The following ZNF654 variants were observed in gnomAD, a reference collection of about 807,000 sequenced individuals.
The protein encoded by ZNF654 is zinc finger protein 654, also known as melanoma-associated antigen.
ZNF654 carries 19 observed loss-of-function variants against 95.3 expected under a neutral mutation model. That is an observed-to-expected ratio of 0.20 (90% CI 0.14 to 0.29). ZNF654 has a LOEUF of 0.29. ZNF654 is among the 10% of genes least tolerant of loss of function. The pLI is 1.00. For synonymous variants in ZNF654, 413 were observed against 457.9 expected (o/e 0.90, Z 1.25); for missense variants, 1,046 against 1,341.0 (o/e 0.78, Z 3.44).
chr3:88,123,929 T>C (rs1422663153), intron 3 of ZNF654, among the ~76,000 whole-genome samples: 1 of 152,198 alleles, frequency 6.6e-6, no homozygotes, highest in Admixed American at 6.5e-5. Context: ...GAGGTTTCAG[T>C]TGATCATTGT....
chr3:88,109,142 A>AGTGTGTGTGTGTGTGT lies in ZNF654; in HGVS notation c.333-3950_333-3935dup, dbSNP rs35595112. ...TATCCCCTGTGGATAAGTGGGCACT[A>AGTGTGTGTGTGTGTGT]GTGTGTGTGTGTGTGTGTGTGTGTG... On this transcript the variant is annotated intron_variant, in intron 2 of 8. Coordinates refer to ENST00000636215, the MANE Select transcript of ZNF654 (RefSeq NM_001350134.2). 4.1e-3 allele frequency among the ~76,000 whole-genome samples: 583 copies of AGTGTGTGTGTGTGTGT among 142,510 alleles called. 6 individuals carry two copies. Among genetic ancestry groups the AGTGTGTGTGTGTGTGT allele is most frequent in the Non-Finnish European group, 5.3e-3 (349 of 65,316 alleles). 93.5% of individuals were successfully genotyped at this position (142,510 alleles called of 152,430 possible).
Position 88,140,553 on chromosome 3 carries a change from G to A in ZNF654, c.2884G>A (p.Asp962Asn). 2 of 1,613,724 alleles carry A rather than the reference G, an allele frequency of 1.2e-6. No homozygotes were observed. The highest frequency in any genetic ancestry group is 1.7e-6 in the Non-Finnish European group (2 of 1,179,736). ...AAGCTTGATAGACCAAAAGATGCCT[G>A]ACATAGAGCCAAATTCTGAAAATAA... The part of the protein sequence containing the change: ...NISLIDQKMP[D>N]IEPNSENNCS... The change falls in exon 8 of 9, where the codon GAC becomes AAC. Residue 962 changes from aspartate (D) to asparagine (N), a missense_variant. By Grantham distance (23) the Asp-to-Asn change is conservative. Transcript: ENST00000636215.
At position 88,133,003 on chromosome 3, in the gene ZNF654, A is replaced by T. The variant is rs114281755; in HGVS notation, c.894-2058A>T. Among the ~76,000 whole-genome samples the T allele has an allele frequency of 2.7e-3, 406 of 152,298 alleles. 2 individuals are homozygous for T. Among genetic ancestry groups the T allele is most frequent in the African/African-American group, 8.5e-3 (354 of 41,582 alleles). The stretch of plus-strand genomic sequence containing the variant: ...GCTACCAGGGACACTGATACTGCTA[A>T]TGTTTTTCAAAATCTGTTTCTTTTC... On this transcript the variant is annotated intron_variant, in intron 6 of 8. Transcript: ENST00000636215.
At chr3:88,083,961 A>G (rs1708216014) in intron 1 of ZNF654, among the ~76,000 whole-genome samples, 1 of 151,080 alleles carries the variant, frequency 6.6e-6, no homozygotes, top group Admixed American at 6.6e-5. Context: ...ATATATATAT[A>G]TATATAGAAA....
At chr3:88,125,728 C>T (rs558152141) in intron 3 of ZNF654, among the ~76,000 whole-genome samples, 36 of 152,262 alleles carry the variant, frequency 2.4e-4, no homozygotes, top group African/African-American at 8.2e-4. Flanking sequence ...AGCAGACACC[C>T]CACGCCCCCT....
chr3:88,138,314 T>G (rs1438161935), intron 7 of ZNF654, among the ~76,000 whole-genome samples: 1 of 152,122 alleles, frequency 6.6e-6, no homozygotes, highest in Non-Finnish European at 1.5e-5. Context: ...GATAAATCTG[T>G]TAAAATACAC....
At chr3:88,133,663 T>A (rs1004864401) in intron 6 of ZNF654, among the ~76,000 whole-genome samples, 1 of 152,096 alleles carries the variant, frequency 6.6e-6, no homozygotes, top group African/African-American at 2.4e-5. Flanking sequence ...GAGATTCAAA[T>A]CCTGAAACTC....
Position 88,135,219 on chromosome 3 carries a change from T to C in ZNF654, c.1035+17T>C. 1 of 1,430,440 alleles carries C rather than the reference T, an allele frequency of 7.0e-7. No homozygotes were observed. Among genetic ancestry groups the C allele is most frequent in the South Asian group, 1.5e-5 (1 of 66,606 alleles). The allele number at this position is 1,430,440 out of a possible 1,614,324, so 88.6% of individuals were successfully genotyped here. On this transcript the variant is annotated intron_variant, in intron 7 of 8. Transcript: ENST00000636215. ...AAAGATGAGGTAAATAGGATATATT[T>C]GTCCCTTAAATTTAAAATTGAGTGA...
chr3:88,060,009 TC>T (rs1358525562), intron 1 of ZNF654, among the ~76,000 whole-genome samples: 9 of 151,472 alleles, frequency 5.9e-5, no homozygotes, highest in Admixed American at 4.6e-4. Context: ...TCTCCTGTCA[TC>T]CCCTCACAAG....
At chr3:88,086,445 T>A (rs1409335584) in intron 2 of ZNF654, 43 bp downstream of exon 2, 3 of 1,402,754 alleles carry the variant, frequency 2.1e-6, no homozygotes, top group East Asian at 2.6e-5. Context: ...TTTTTCTTGA[T>A]GTGTTTGAGA....
chr3:88,086,031 G>GT (rs755606261), intron 1 of ZNF654, among the ~76,000 whole-genome samples: 1 of 152,078 alleles, frequency 6.6e-6, no homozygotes, highest in Non-Finnish European at 1.5e-5. Flanking sequence ...TAGTTGAATA[G>GT]TACAGACATT....
chr3:88,101,434 C>T (rs540932543), intron 2 of ZNF654, among the ~76,000 whole-genome samples: 49 of 152,100 alleles, frequency 3.2e-4, no homozygotes, highest in African/African-American at 7.7e-4. Flanking sequence ...AATAGTCTTG[C>T]GAAATAGTCA....
intron 1 of ZNF654, 114 bp downstream of exon 1, chr3:88,059,619 A>G: frequency 8.7e-7 from 1 of 1,151,876 alleles, no homozygotes; most frequent in South Asian, 1.7e-5. Context: ...CCTCCCCAAC[A>G]AGGAGGGTGA....
At chr3:88,070,342 C>T (rs996862868) in intron 1 of ZNF654, among the ~76,000 whole-genome samples, 35 of 151,806 alleles carry the variant, frequency 2.3e-4, no homozygotes, top group Admixed American at 2.1e-3. Flanking sequence ...AAATTTTATG[C>T]AGCCATAAAA....
chr3:88,070,948 A>G (rs1462893511), intron 1 of ZNF654, among the ~76,000 whole-genome samples: 1 of 152,220 alleles, frequency 6.6e-6, no homozygotes, highest in Non-Finnish European at 1.5e-5. Context: ...CAAATTTAAT[A>G]TAGTGAGTGT....
At chr3:88,065,937 G>C (rs1052400545) in intron 1 of ZNF654, among the ~76,000 whole-genome samples, 8 of 152,154 alleles carry the variant, frequency 5.3e-5, no homozygotes, top group African/African-American at 1.9e-4. Flanking sequence ...GTTTTACCAT[G>C]ATCTGCAGGC....
rs558601163 is a variant in ZNF654, at chr3:88,090,763, G to T, written c.332+4361G>T. Among the ~76,000 whole-genome samples the T allele has an allele frequency of 2.0e-5, 3 of 152,148 alleles. No homozygotes were observed. In the South Asian group the frequency reaches 6.2e-4, roughly 32 times the overall value. On this transcript the variant is annotated intron_variant, in intron 2 of 8. Coordinates refer to ENST00000636215, the MANE Select transcript of ZNF654 (RefSeq NM_001350134.2). ...AACAGCTTTTATCTTTTACACCAGG[G>T]GTGTCCAATCTTATGGCTTCCCTGG...
At chr3:88,126,475 T>A (rs1484946631) in intron 4 of ZNF654, among the ~76,000 whole-genome samples, 2 of 152,074 alleles carry the variant, frequency 1.3e-5, no homozygotes, top group African/African-American at 4.8e-5. Context: ...TTTCTTGTAA[T>A]GGAAATTCTC....
chr3:88,084,401 G>A (rs1708235095), intron 1 of ZNF654, among the ~76,000 whole-genome samples: 2 of 152,158 alleles, frequency 1.3e-5, no homozygotes, highest in African/African-American at 4.8e-5. Flanking sequence ...AATAAAGCTG[G>A]TCAAAGACTT....
Sources: allele counts gnomAD v4.1 joint callset (sites outside exome capture counted in the v4.1 genomes callset), GRCh38; gene constraint gnomAD v4.1.1; transcripts MANE v1.5; gene names NCBI Gene and HGNC (gene_info 2026-07-23, HGNC 2026-07-21).